Variants in NUP93 observed in about 807,000 individuals in gnomAD.
The protein encoded by NUP93 is nucleoporin 93, also known as nuclear pore complex protein Nup93.
NUP93 carries 55 observed loss-of-function variants against 107.8 expected under a neutral mutation model. The observed-to-expected ratio is 0.51, with a 90% CI of 0.41 to 0.64. NUP93 has a LOEUF of 0.64. NUP93 is among the 30% of genes least tolerant of loss of function. NUP93 has a pLI of 0.00. For synonymous variants in NUP93, 390 were observed against 397.5 expected, an observed-to-expected ratio of 0.98 and a Z score of 0.22; for missense variants, 937 against 1,044.7, an observed-to-expected ratio of 0.90 and a Z score of 1.42.
chr16:56,761,396 GA>G (rs1225687251), intron 3 of NUP93, among the ~76,000 whole-genome samples: 2 of 152,230 alleles, frequency 1.3e-5, no homozygotes, highest in African/African-American at 4.8e-5. Context: ...GGTTATCCAA[GA>G]AGAGTAAACT....
At chr16:56,811,331 A>T (rs1207439321) in intron 5 of NUP93, among the ~76,000 whole-genome samples, 1 of 152,128 alleles carries the variant, frequency 6.6e-6, no homozygotes, top group Non-Finnish European at 1.5e-5. Context: ...TTGTGTTTTT[A>T]TAGGCCTTTT....
chr16:56,756,307 C>G (rs1189465483), intron 2 of NUP93, among the ~76,000 whole-genome samples: 8 of 95,170 alleles, frequency 8.4e-5, no homozygotes, highest in East Asian at 3.4e-4. Flanking sequence ...CCCCCCCCCC[C>G]CCGACAGGCT....
chr16:56,822,117 G>T (rs1009973211), intron 7 of NUP93, among the ~76,000 whole-genome samples: 1 of 144,470 alleles, frequency 6.9e-6, no homozygotes, highest in Non-Finnish European at 1.5e-5. Flanking sequence ...AAAAAAAAAA[G>T]GGGGATGGAT....
intron 5 of NUP93, among the ~76,000 whole-genome samples, chr16:56,810,650 A>G (rs565234537): frequency 5.1e-4 from 77 of 152,278 alleles, no homozygotes; most frequent in Non-Finnish European, 9.3e-4. Flanking sequence ...GTCTCAAAAA[A>G]TTAAAAAATT....
At chr16:56,762,682 A>G (rs1442271172) in intron 3 of NUP93, among the ~76,000 whole-genome samples, 1 of 152,198 alleles carries the variant, frequency 6.6e-6, no homozygotes, top group African/African-American at 2.4e-5. Context: ...AAGTACTGCA[A>G]ACTTGGTGGC....
Position 56,839,195 on chromosome 16 carries a change from A to G in NUP93, c.2136+126A>G, listed in dbSNP as rs1451590409. 21 of 590,780 alleles carry G rather than the reference A, an allele frequency of 3.6e-5. No homozygotes were observed. In the Admixed American group the frequency reaches 6.4e-4, roughly 18 times the overall value. 36.6% of individuals were successfully genotyped at this position (590,780 alleles called of 1,614,324 possible). A position where few individuals can be genotyped will look rare whatever the true frequency, so the allele number is the denominator to read the frequency against. On this transcript the variant is annotated intron_variant, in intron 19 of 21. Transcript: ENST00000308159. ...TATGTTTGTTGTATAAAGAAAGACA[A>G]GTACAATCCTGGGACTTAAAAGGAG...
At position 56,736,592 on chromosome 16, in the gene NUP93, A is replaced by G. The variant is rs1490267531; in HGVS notation, c.-15+6381A>G. 2.6e-5 allele frequency among the ~76,000 whole-genome samples: 4 copies of G among 152,300 alleles called. No individual in the cohort carries two copies. The East Asian group carries it at 7.7e-4, about 29-fold the overall frequency. ...GATGCAAAGGAACAGGGTGAGTTAG[A>G]ACCTGGGAGACAGAAGCCAGGGGCA... On this transcript the variant is annotated intron_variant, in intron 1 of 21. Transcript: ENST00000308159.
intron 3 of NUP93, among the ~76,000 whole-genome samples, chr16:56,792,729 C>CT (rs1272094129): frequency 1.3e-5 from 2 of 152,256 alleles, no homozygotes; most frequent in East Asian, 3.8e-4. Context: ...CATAAGCATA[C>CT]TCTGAGCCTC....
At chr16:56,765,074 T>C (rs1962193505) in intron 3 of NUP93, among the ~76,000 whole-genome samples, 2 of 152,212 alleles carry the variant, frequency 1.3e-5, no homozygotes, top group African/African-American at 4.8e-5. Flanking sequence ...CATCCCTATC[T>C]TCCATCTTGT....
chr16:56,844,867 G>T lies in NUP93; in HGVS notation c.*258G>T. The T allele has an allele frequency of 2.5e-6, 1 of 401,012 alleles. No homozygotes were observed. The highest frequency in any genetic ancestry group is 2.1e-5 in the African/African-American group (1 of 48,532). 24.8% of individuals were successfully genotyped at this position (401,012 alleles called of 1,614,324 possible). A position where few individuals can be genotyped will look rare whatever the true frequency, so the allele number is the denominator to read the frequency against. On this transcript the variant is annotated 3_prime_UTR_variant, in exon 22 of 22. Coordinates refer to ENST00000308159, the MANE Select transcript of NUP93 (RefSeq NM_014669.5). ...AATACCGTCACTAGCTCTTGGGCCA[G>T]GGAATGAGAGGCTATGTAGATATTC...
chr16:56,815,709 G>A (rs1596832656), intron 5 of NUP93, among the ~76,000 whole-genome samples: 1 of 152,276 alleles, frequency 6.6e-6, no homozygotes, highest in South Asian at 2.1e-4. Flanking sequence ...GATTCATACC[G>A]TTTTTCTCCC....
chr16:56,768,272 C>G (rs1281864934), intron 3 of NUP93, among the ~76,000 whole-genome samples: 1 of 152,188 alleles, frequency 6.6e-6, no homozygotes, highest in Non-Finnish European at 1.5e-5. Flanking sequence ...ACATTACGTT[C>G]TTGTCTTTTG....
At chr16:56,832,421 TCTTGTCCA>T in intron 12 of NUP93, 33 bp downstream of exon 12, 1 of 1,541,340 alleles carries the variant, frequency 6.5e-7, no homozygotes, top group Non-Finnish European at 9.0e-7. Context: ...CTTTCCCTTC[TCTTGTCCA>T]CTTAAGGTGA....
intron 2 of NUP93, among the ~76,000 whole-genome samples, chr16:56,758,085 GT>G (rs1489108439): frequency 2.0e-5 from 3 of 150,920 alleles, no homozygotes; most frequent in African/African-American, 7.3e-5. Flanking sequence ...AAAAAAAAAA[GT>G]TGGGGGGAGC....
chr16:56,828,988 A>T lies in NUP93; in HGVS notation c.806A>T (p.Tyr269Phe). ...LAYLEQSYKN[Y>F]TLVTVFGNLH... Reference sequence around the variant, plus strand: ...TAAAATTTTTCCAGTTATAAGAATTACACCCTTGTGACTGTCTTTGGAAAT... The same window carrying T: ...TAAAATTTTTCCAGTTATAAGAATTTCACCCTTGTGACTGTCTTTGGAAAT... The change falls in exon 9 of 22, where the codon TAC (tyrosine) becomes TTC (phenylalanine). Residue 269 changes from tyrosine to phenylalanine, a missense_variant. Tyr to Phe is a conservative substitution (Grantham distance 22). Transcript: ENST00000308159. 6.2e-7 allele frequency: 1 copy of T among 1,613,256 alleles called. No homozygotes were observed. The highest frequency in any genetic ancestry group is 1.1e-5 in the South Asian group (1 of 90,752).
At chr16:56,785,689 G>A (rs781731595) in intron 3 of NUP93, among the ~76,000 whole-genome samples, 3 of 152,138 alleles carry the variant, frequency 2.0e-5, no homozygotes, top group Non-Finnish European at 2.9e-5. Context: ...GGGGTGGACC[G>A]CACGAATTAT....
intron 1 of NUP93, among the ~76,000 whole-genome samples, chr16:56,732,648 A>C (rs1802546061): frequency 6.6e-6 from 1 of 152,168 alleles, no homozygotes; most frequent in Admixed American, 6.5e-5. Flanking sequence ...CTGATGTAGA[A>C]AATAAGGTTG....
chr16:56,740,535 T>C (rs1396331384), intron 1 of NUP93, among the ~76,000 whole-genome samples: 1 of 147,912 alleles, frequency 6.8e-6, no homozygotes, highest in Non-Finnish European at 1.5e-5. Context: ...GCTCCTCACT[T>C]TCCAGACTGG....
rs553024420 is a variant in NUP93, at chr16:56,845,362, G to C, written c.*753G>C. The C allele has an allele frequency of 2.0e-5, 3 of 152,460 alleles. No homozygotes were observed. Among genetic ancestry groups the C allele is most frequent in the African/African-American group, 7.2e-5 (3 of 41,570 alleles). 9.4% of individuals were successfully genotyped at this position (152,460 alleles called of 1,614,324 possible). ...GCCTTGTACACACCCCTCCTAGAAA[G>C]ACGTTTAAGCCCCTATTTCCCTTCT... On this transcript the variant is annotated 3_prime_UTR_variant, in exon 22 of 22. Transcript: ENST00000308159.
Sources: allele counts gnomAD v4.1 joint callset (sites outside exome capture counted in the v4.1 genomes callset), GRCh38; gene constraint gnomAD v4.1.1; transcripts MANE v1.5; gene names NCBI Gene and HGNC (gene_info 2026-07-23, HGNC 2026-07-21).